SLC35D4: variants seen among roughly 807,000 people sequenced by gnomAD.
SLC35D4 encodes the protein solute carrier family 35 member D4.
chr18:23,285,387 C>T, the SLC35D4 span, among the ~76,000 whole-genome samples: 1 of 152,162 alleles, frequency 6.6e-6, no homozygotes, highest in Non-Finnish European at 1.5e-5. Flanking sequence ...GACCTAAAAT[C>T]TAAGCGTCTT....
the SLC35D4 span, chr18:23,377,575 GT>G: frequency 7.0e-7 from 1 of 1,429,834 alleles, no homozygotes; most frequent in Non-Finnish European, 9.5e-7. Context: ...ATCTTGAACA[GT>G]TTATCATTCA....
At chr18:23,351,928 G>A in the SLC35D4 span, among the ~76,000 whole-genome samples, 1 of 152,124 alleles carries the variant, frequency 6.6e-6, no homozygotes, top group South Asian at 2.1e-4. Flanking sequence ...TAAGTCACTT[G>A]AGCTCTGGAC....
At chr18:23,309,729 A>T in the SLC35D4 span, 6 of 1,614,214 alleles carry the variant, frequency 3.7e-6, no homozygotes, top group Admixed American at 1.7e-5. Flanking sequence ...AATATTGATA[A>T]GCCAGCTGTG....
At chr18:23,367,275 C>T in the SLC35D4 span, among the ~76,000 whole-genome samples, 2 of 137,026 alleles carry the variant, frequency 1.5e-5, no homozygotes, top group East Asian at 4.4e-4. Flanking sequence ...CCACTCCTAA[C>T]TCCTACCAAA....
the SLC35D4 span, among the ~76,000 whole-genome samples, chr18:23,363,528 C>T: frequency 6.6e-6 from 1 of 151,590 alleles, no homozygotes; most frequent in Non-Finnish European, 1.5e-5. Context: ...GCGCCCGCCA[C>T]CACGCCCGGC....
the SLC35D4 span, among the ~76,000 whole-genome samples, chr18:23,326,540 A>G: frequency 2.6e-5 from 4 of 152,240 alleles, no homozygotes; most frequent in Admixed American, 2.6e-4. Flanking sequence ...AGGAGCACCC[A>G]TATTCATAAA....
At chr18:23,434,853 C>T in the SLC35D4 span, among the ~76,000 whole-genome samples, 1 of 151,346 alleles carries the variant, frequency 6.6e-6, no homozygotes, top group Non-Finnish European at 1.5e-5. Context: ...TGAAAAAGTG[C>T]CACAAATGAA....
At chr18:23,398,378 C>T in the SLC35D4 span, among the ~76,000 whole-genome samples, 4 of 152,182 alleles carry the variant, frequency 2.6e-5, no homozygotes, top group Non-Finnish European at 5.9e-5. Context: ...ATTTGAGCAA[C>T]ACATTGCTTT....
chr18:23,345,388 A>G, the SLC35D4 span, among the ~76,000 whole-genome samples: 1 of 150,136 alleles, frequency 6.7e-6, no homozygotes, highest in African/African-American at 2.5e-5. Flanking sequence ...AGGCTGAGGC[A>G]GAAGAATGGC....
chr18:23,421,338 T>C, the SLC35D4 span: 1 of 1,583,446 alleles, frequency 6.3e-7, no homozygotes, highest in Non-Finnish European at 8.7e-7. Flanking sequence ...GTGTGAATCA[T>C]GCATGAGTCC....
chr18:23,290,448 CAG>C, the SLC35D4 span, among the ~76,000 whole-genome samples: 6 of 152,284 alleles, frequency 3.9e-5, no homozygotes, highest in East Asian at 1.2e-3. Context: ...ATCTACAGCC[CAG>C]AGAGGTCCTC....
At chr18:23,356,886 T>C in the SLC35D4 span, among the ~76,000 whole-genome samples, 8 of 152,224 alleles carry the variant, frequency 5.3e-5, no homozygotes, top group African/African-American at 1.9e-4. This position sits in a 1 kb window ranked among gnomAD's most constrained non-coding sequence, Gnocchi z 4.1. Flanking sequence ...AGAGCATGCC[T>C]TGTGCAGGGC....
At chr18:23,254,492 T>C in the SLC35D4 span, among the ~76,000 whole-genome samples, 1 of 152,218 alleles carries the variant, frequency 6.6e-6, no homozygotes, top group Non-Finnish European at 1.5e-5. Flanking sequence ...AGCCAACTGA[T>C]TAGAAGACAG....
At chr18:23,238,870 G>A in the SLC35D4 span, among the ~76,000 whole-genome samples, 2 of 152,170 alleles carry the variant, frequency 1.3e-5, no homozygotes, top group African/African-American at 4.8e-5. Context: ...TCAGCAGTCA[G>A]CCCCACAACT....
the SLC35D4 span, among the ~76,000 whole-genome samples, chr18:23,425,154 G>T: frequency 1.3e-5 from 2 of 152,078 alleles, no homozygotes; most frequent in Non-Finnish European, 2.9e-5. Context: ...AGATTGGAGT[G>T]CAGTGGCATG....
At chr18:23,245,066 C>G in the SLC35D4 span, among the ~76,000 whole-genome samples, 4 of 152,130 alleles carry the variant, frequency 2.6e-5, no homozygotes, top group African/African-American at 9.7e-5. Flanking sequence ...GGTGTGTGTA[C>G]CTCCCATCCC....
the SLC35D4 span, among the ~76,000 whole-genome samples, chr18:23,307,334 G>A: frequency 3.3e-5 from 5 of 152,178 alleles, no homozygotes; most frequent in Admixed American, 6.5e-5. Flanking sequence ...TGTTTTAACC[G>A]TTTAAACTCT....
the SLC35D4 span, among the ~76,000 whole-genome samples, chr18:23,332,841 T>C: frequency 6.6e-6 from 1 of 152,234 alleles, no homozygotes; most frequent in Non-Finnish European, 1.5e-5. Context: ...GCAATTATTC[T>C]TATTTGACAT....
the SLC35D4 span, among the ~76,000 whole-genome samples, chr18:23,339,784 T>C: frequency 6.6e-6 from 1 of 152,156 alleles, no homozygotes; most frequent in Non-Finnish European, 1.5e-5. Flanking sequence ...ATCCTCAAGG[T>C]GGAAGAAGCA....
Sources: gnomAD v4.1 joint callset for allele counts (sites outside exome capture counted in the v4.1 genomes callset) on GRCh38, gnomAD v4.1.1 for gene constraint, Gnocchi (gnomAD v3.1) non-coding constraint, MANE v1.5 for transcripts, NCBI Gene and HGNC (gene_info 2026-07-23, HGNC 2026-07-21) for gene names.